Variants in ULK4 observed in about 807,000 individuals in gnomAD.
The protein encoded by ULK4 is inactive serine/threonine-protein kinase ULK4.
ULK4 carries 133 observed loss-of-function variants against 160.6 expected under a neutral mutation model. The observed-to-expected ratio is 0.83, with a 90% CI of 0.72 to 0.96. The LOEUF (loss-of-function observed/expected upper bound fraction) is 0.96, where lower values mean the gene tolerates loss of function less well. ULK4 is among the 40% of genes least tolerant of loss of function. ULK4 has a pLI of 0.00. For synonymous variants in ULK4, 534 were observed against 539.8 expected (o/e 0.99, Z 0.15); for missense variants, 1,580 against 1,499.5 (o/e 1.05, Z -0.89).
At chr3:41,865,009 T>C (rs571524540) in intron 17 of ULK4, among the ~76,000 whole-genome samples, 1 of 152,164 alleles carries the variant, frequency 6.6e-6, no homozygotes, top group South Asian at 2.1e-4. Flanking sequence ...CGGTGGCTCA[T>C]GCCTGTAATC....
rs1452685259 is a variant in ULK4 at position 41,826,969 on chromosome 3, A to T, written c.1765-7463T>A. 4.4e-4 allele frequency among the ~76,000 whole-genome samples: 66 copies of T among 150,492 alleles called. 1 individual carries two copies. Among genetic ancestry groups the T allele is most frequent in the African/African-American group, 1.5e-3 (61 of 40,244 alleles). On this transcript the variant is annotated intron_variant, in intron 18 of 36. Coordinates refer to ENST00000301831, the MANE Select transcript of ULK4 (RefSeq NM_017886.4). ...ATTACAACAAACTGTCTCTCAGACC[A>T]CAGTGCAATCAAACTAGAACTCAGG...
At position 41,919,740 on chromosome 3, in the gene ULK4, C is replaced by A; in HGVS notation, c.620G>T (p.Cys207Phe). The A allele has an allele frequency of 6.2e-7, 1 of 1,614,030 alleles. No individual in the cohort carries two copies. Among genetic ancestry groups the A allele is most frequent in the Non-Finnish European group, 8.5e-7 (1 of 1,179,914 alleles). Residue 207 changes from cysteine (C) to phenylalanine (F), a missense_variant, in exon 6 of 37, where the codon TGT (cysteine) becomes TTT (phenylalanine). Physicochemically the swap from Cys to Phe is radical, Grantham distance 205. Coordinates refer to ENST00000301831, the MANE Select transcript of ULK4 (RefSeq NM_017886.4). The part of the protein sequence containing the change: ...SISSDLWSLG[C>F]LLYEMFSGKP... ...ACCTGAAAACATTTCATAAAGCAGA[C>A]AGCCCAAAGACCAGAGGTCACTGGA...
chr3:41,593,728 G>A (rs945384786), intron 31 of ULK4, among the ~76,000 whole-genome samples: 5 of 151,954 alleles, frequency 3.3e-5, no homozygotes, highest in Admixed American at 6.6e-5. Flanking sequence ...TGTACCACTC[G>A]TGTAAAAAGA....
chr3:41,582,081 T>TCCAC (rs2030396999), intron 31 of ULK4, among the ~76,000 whole-genome samples: 1 of 152,190 alleles, frequency 6.6e-6, no homozygotes, highest in Admixed American at 6.5e-5. Flanking sequence ...CCCACGTGTT[T>TCCAC]TGGGAGGGAC....
chr3:41,347,677 G>A (rs956282675), intron 35 of ULK4, among the ~76,000 whole-genome samples: 6 of 151,876 alleles, frequency 4.0e-5, no homozygotes, highest in African/African-American at 1.2e-4. Context: ...AACTCATCTC[G>A]GATACCACCT....
chr3:41,499,256 A>T (rs1237706212), intron 32 of ULK4, among the ~76,000 whole-genome samples: 1 of 152,166 alleles, frequency 6.6e-6, no homozygotes, highest in African/African-American at 2.4e-5. Context: ...CTTTTGCTAG[A>T]AAAAGCTCAT....
intron 22 of ULK4, among the ~76,000 whole-genome samples, chr3:41,725,984 AAAATAG>A (rs1443147611): frequency 6.6e-6 from 1 of 152,226 alleles, no homozygotes; most frequent in African/African-American, 2.4e-5. Flanking sequence ...GAAAACAGAG[AAAATAG>A]AAATGGTTAT....
At chr3:41,891,333 G>A (rs1697953069) in intron 16 of ULK4, among the ~76,000 whole-genome samples, 1 of 122,972 alleles carries the variant, frequency 8.1e-6, no homozygotes, top group African/African-American at 3.1e-5. Context: ...GACGGGACAA[G>A]ACGGGACTGG....
intron 1 of ULK4, among the ~76,000 whole-genome samples, chr3:41,957,234 G>A (rs1337167253): frequency 5.9e-5 from 9 of 151,614 alleles, no homozygotes; most frequent in South Asian, 2.1e-4. Context: ...TGGGCTGATC[G>A]CCTGAGGTCA....
chr3:41,419,575 G>A (rs538537501), intron 34 of ULK4, among the ~76,000 whole-genome samples: 4 of 152,230 alleles, frequency 2.6e-5, no homozygotes, highest in East Asian at 1.9e-4. Flanking sequence ...CAGTGGTGGC[G>A]GTGGAGCTTG....
At chr3:41,693,647 G>A (rs532738742) in intron 27 of ULK4, among the ~76,000 whole-genome samples, 214 of 152,218 alleles carry the variant, frequency 1.4e-3, no homozygotes, top group Admixed American at 2.4e-3. Flanking sequence ...GGACAAACCA[G>A]AAAACAATGA....
intron 21 of ULK4, among the ~76,000 whole-genome samples, chr3:41,769,743 A>G (rs1353560521): frequency 6.6e-6 from 1 of 152,230 alleles, no homozygotes; most frequent in Non-Finnish European, 1.5e-5. Context: ...TATCAAAATT[A>G]AGCATAATGG....
At chr3:41,544,744 A>G (rs1269432618) in intron 32 of ULK4, among the ~76,000 whole-genome samples, 3 of 152,164 alleles carry the variant, frequency 2.0e-5, no homozygotes, top group Non-Finnish European at 4.4e-5. Context: ...ACAATGACCT[A>G]TGAGTAGGGT....
At chr3:41,474,830 A>AAG (rs1553677144) in intron 32 of ULK4, among the ~76,000 whole-genome samples, 1 of 151,438 alleles carries the variant, frequency 6.6e-6, no homozygotes. Context: ...TTAAAAAAAA[A>AAG]AAAAGAAAAC....
At chr3:41,703,079 C>A (rs1424643762) in intron 27 of ULK4, among the ~76,000 whole-genome samples, 1 of 152,034 alleles carries the variant, frequency 6.6e-6, no homozygotes, top group Non-Finnish European at 1.5e-5. Flanking sequence ...GTCTTGAACT[C>A]CTGACCTCAA....
intron 35 of ULK4, among the ~76,000 whole-genome samples, chr3:41,392,200 A>G (rs1353225913): frequency 6.6e-6 from 1 of 152,156 alleles, no homozygotes. Flanking sequence ...TTTTAAAGCT[A>G]AAGCAGGAAG....
intron 34 of ULK4, among the ~76,000 whole-genome samples, chr3:41,407,987 G>A (rs1160192790): frequency 1.3e-5 from 2 of 152,066 alleles, no homozygotes; most frequent in African/African-American, 4.8e-5. Context: ...AGTTCATCAA[G>A]GTTGCAGGGT....
chr3:41,563,827 T>C (rs2087690668), intron 32 of ULK4, among the ~76,000 whole-genome samples: 1 of 152,168 alleles, frequency 6.6e-6, no homozygotes, highest in Non-Finnish European at 1.5e-5. Flanking sequence ...CTTGGAGAAG[T>C]TTGTTATTAC....
chr3:41,694,041 T>G (rs2036402218), intron 27 of ULK4, among the ~76,000 whole-genome samples: 1 of 152,230 alleles, frequency 6.6e-6, no homozygotes, highest in African/African-American at 2.4e-5. Context: ...TGACCTCATT[T>G]GGTTTGTTTT....
Sources: gnomAD v4.1 joint callset for allele counts (sites outside exome capture counted in the v4.1 genomes callset) on GRCh38, gnomAD v4.1.1 for gene constraint, MANE v1.5 for transcripts, NCBI Gene and HGNC (gene_info 2026-07-23, HGNC 2026-07-21) for gene names.